LRRC23: variants seen among roughly 807,000 people sequenced by gnomAD.
LRRC23 encodes leucine rich repeat containing 23, also known as leucine-rich repeat-containing protein 23.
A neutral mutation model predicts 37.7 loss-of-function variants in LRRC23; 28 were observed. The observed-to-expected ratio is 0.74, with a 90% CI of 0.55 to 1.02. LRRC23 has a LOEUF of 1.02. Among genes scored for constraint, LRRC23 ranks in the 50% least tolerant of loss-of-function variants. The probability of loss-of-function intolerance (pLI) is 0.00; values close to 1 mark genes in which losing one functional copy is unlikely to be tolerated. For synonymous variants in LRRC23, 161 were observed against 165.4 expected, an observed-to-expected ratio of 0.97 and a Z score of 0.20; for missense variants, 377 against 413.2, an observed-to-expected ratio of 0.91 and a Z score of 0.76.
At chr12:6,913,557 T>TTTTG (rs1555141104) in intron 7 of LRRC23, among the ~76,000 whole-genome samples, 4 of 98,512 alleles carry the variant, frequency 4.1e-5, no homozygotes, top group African/African-American at 2.5e-4. Flanking sequence ...CTCTGTTTGT[T>TTTTG]TTTTTTTTTT....
rs782446149 is a variant in LRRC23, at chr12:6,906,603, A to G, written c.431A>G (p.Asn144Ser). The G allele has an allele frequency of 2.5e-6, 4 of 1,614,038 alleles. No individual in the cohort carries two copies. In the South Asian group the frequency reaches 4.4e-5, roughly 18 times the overall value. ...PYLQIASFAY[N>S]QITDTEGISH... ...CTGCAGATTGCTAGTTTTGCTTATA[A>G]CCAGATTACTGACACTGAAGGCATC... The change falls in exon 4 of 8, where the codon AAC becomes AGC. Residue 144 changes from asparagine (N) to serine (S), a missense_variant. Asn to Ser is a conservative substitution (Grantham distance 46). Transcript: ENST00000443597.
Position 6,910,026 on chromosome 12 carries a change from G to T in LRRC23, c.758G>T (p.Arg253Met), listed in dbSNP as rs781814831. The T allele has an allele frequency of 3.6e-5, 58 of 1,608,152 alleles. No individual in the cohort carries two copies. The South Asian group carries it at 6.4e-4, about 18-fold the overall frequency. Residue 253 changes from arginine to methionine, a missense_variant and splice_region_variant, in exon 6 of 8, where the codon AGG becomes ATG. Transcript: ENST00000443597. ...EMKSLQYLNL[R>M]GNMVANLGEL... is the part of the protein sequence containing the mutation. Reference sequence around the variant, plus strand: ...AAATCATTGCAGTACCTCAACCTGAGGTATGCACCCTCTCCAAGCCCCACC... The same window carrying T: ...AAATCATTGCAGTACCTCAACCTGATGTATGCACCCTCTCCAAGCCCCACC...
At chr12:6,905,563 C>T in intron 1 of LRRC23, 22 bp from the exon 2 acceptor site, 1 of 1,524,738 alleles carries the variant, frequency 6.6e-7, no homozygotes, top group Non-Finnish European at 9.1e-7. Context: ...CTGGCAGAAG[C>T]TGATGAGACC....
At chr12:6,911,083 G>A (rs1945149721) in intron 6 of LRRC23, among the ~76,000 whole-genome samples, 1 of 152,020 alleles carries the variant, frequency 6.6e-6, no homozygotes, top group Non-Finnish European at 1.5e-5. Context: ...AGCCCCACCT[G>A]TAAGGGATGA....
intron 7 of LRRC23, 89 bp downstream of exon 7, chr12:6,913,116 G>T (rs1945209347): frequency 1.5e-6 from 2 of 1,338,856 alleles, no homozygotes; most frequent in Non-Finnish European, 2.1e-6. Flanking sequence ...TGCAGAAGGA[G>T]GTGGGAGAGG....
At chr12:6,908,474 G>A (rs782414226) in intron 5 of LRRC23, among the ~76,000 whole-genome samples, 2 of 151,558 alleles carry the variant, frequency 1.3e-5, no homozygotes, top group Non-Finnish European at 2.9e-5. Flanking sequence ...ACATGCGCCT[G>A]TAATCCCAGC....
rs1332333455 is a variant in LRRC23 at position 6,905,858 on chromosome 12, C to T, written c.140C>T (p.Pro47Leu). The T allele has an allele frequency of 3.1e-6, 5 of 1,613,806 alleles. No homozygotes were observed. Among genetic ancestry groups the T allele is most frequent in the Non-Finnish European group, 4.2e-6 (5 of 1,179,972 alleles). The change falls in exon 3 of 8, where the codon CCC becomes CTC. Residue 47 changes from proline to leucine, a missense_variant. Physicochemically the swap from Pro to Leu is moderately conservative, Grantham distance 98 (BLOSUM62 -3). Transcript: ENST00000443597. ...TTCTACCTGCAGTGGCTGCCCACCCCCCTCACGGAGGACATGATGAAGGAA... is the reference window on the plus strand; with the variant it reads ...TTCTACCTGCAGTGGCTGCCCACCCTCCTCACGGAGGACATGATGAAGGAA... ...EEFPEEWLPT[P>L]LTEDMMKEGL... is the part of the protein sequence containing the mutation.
Position 6,905,937 on chromosome 12 carries a change from G to A in LRRC23, c.219G>A (p.Lys73=), listed in dbSNP as rs111766137. ...ATGGGCTGGCTCATGCTTATGTCAA[G>A]CTGGAGGTTAAAGAGAGGTGCGTTT... ...TGNGLAHAYV[K]LEVKERDLTD... The change falls in exon 3 of 8, where the codon AAG becomes AAA. Residue 73 remains lysine, a synonymous_variant. Coordinates refer to ENST00000443597, the MANE Select transcript of LRRC23 (RefSeq NM_001135217.2). 678 of 1,613,960 alleles carry A rather than the reference G, an allele frequency of 4.2e-4. 2 individuals carry two copies. In the African/African-American group the frequency reaches 5.3e-3, roughly 13 times the overall value.
At chr12:6,907,625 A>G in intron 5 of LRRC23, 180 bp downstream of exon 5, 3 of 688,812 alleles carry the variant, frequency 4.4e-6, no homozygotes, top group Admixed American at 4.2e-5. Context: ...CAGGGCTGAT[A>G]ATATATAATG....
At chr12:6,912,618 C>A in intron 6 of LRRC23, 112 bp from the exon 7 acceptor site, 1 of 961,354 alleles carries the variant, frequency 1.0e-6, no homozygotes, top group South Asian at 1.5e-5. Flanking sequence ...CCAGTCCTCA[C>A]AGTGTTTCTA....
At chr12:6,905,483 G>C in intron 1 of LRRC23, 102 bp from the exon 2 acceptor site, 5 of 697,192 alleles carry the variant, frequency 7.2e-6, no homozygotes, top group Non-Finnish European at 1.3e-5. Flanking sequence ...AAGAAGCCTA[G>C]AGTTGGTGGG....
rs1555140986 is a variant in LRRC23 at position 6,913,017 on chromosome 12, C to T, written c.*14C>T. 6 of 1,612,314 alleles carry T rather than the reference C, an allele frequency of 3.7e-6. No individual in the cohort carries two copies. Among genetic ancestry groups the T allele is most frequent in the Non-Finnish European group, 5.1e-6 (6 of 1,178,804 alleles). On this transcript the variant is annotated 3_prime_UTR_variant, in exon 7 of 8. Coordinates refer to ENST00000443597, the MANE Select transcript of LRRC23 (RefSeq NM_001135217.2). ...TCATTGATCTAGCAGCAGTTCTAGC[C>T]TCTAAAGATAGTAAGGAAGCCTGCA...
chr12:6,905,911 A>C lies in LRRC23; in HGVS notation c.193A>C (p.Asn65His), dbSNP rs2071072. The change falls in exon 3 of 8, where the codon AAT becomes CAT. Residue 65 changes from asparagine (N) to histidine (H), a missense_variant. Around this residue, in one of 3 missense-constraint regions of LRRC23, gnomAD observed 106 missense variants for 105.9 expected, o/e 1.00. Coordinates refer to ENST00000443597, the MANE Select transcript of LRRC23 (RefSeq NM_001135217.2). ...GCTTTCTCTGCTCTGTAAGACAGGC[A>C]ATGGGCTGGCTCATGCTTATGTCAA... ...EGLSLLCKTG[N>H]GLAHAYVKLE... 6.7e-3 allele frequency: 10,784 copies of C among 1,613,988 alleles called. 1,010 individuals are homozygous for C. In the East Asian group the frequency reaches 0.2, roughly 30 times the overall value.
Position 6,905,653 on chromosome 12 carries a change from T to C in LRRC23, c.20T>C (p.Leu7Pro). The part of the protein sequence containing the change: MSDEDD[L>P]EDSEPDQDDS... The stretch of plus-strand genomic sequence containing the variant: ...AGAAAGATGTCAGATGAAGATGATC[T>C]AGAAGACTCTGAGCCAGACCAGGAT... Residue 7 changes from leucine (L) to proline (P), a missense_variant, in exon 2 of 8, where the codon CTA becomes CCA. Coordinates refer to ENST00000443597, the MANE Select transcript of LRRC23 (RefSeq NM_001135217.2). 6.2e-7 allele frequency: 1 copy of C among 1,613,564 alleles called. No individual in the cohort carries two copies. Among genetic ancestry groups the C allele is most frequent in the Non-Finnish European group, 8.5e-7 (1 of 1,179,856 alleles).
chr12:6,905,131 G>C (rs1254416063), intron 1 of LRRC23, 56 bp downstream of exon 1: 2 of 162,254 alleles, frequency 1.2e-5, no homozygotes, highest in Non-Finnish European at 2.7e-5. Flanking sequence ...CTGCGCTTTA[G>C]GCTGGTGTAC....
chr12:6,912,745 C>T lies in LRRC23; in HGVS notation c.774C>T (p.Ala258=). 6.2e-7 allele frequency: 1 copy of T among 1,613,942 alleles called. No individual in the cohort carries two copies. The highest frequency in any genetic ancestry group is 8.5e-7 in the Non-Finnish European group (1 of 1,179,976). The part of the protein sequence containing the change: ...QYLNLRGNMV[A]NLGELAKLRD... ...ACACTGGCAGGGGCAACATGGTGGC[C>T]AACCTGGGGGAGCTGGCCAAGCTTC... Residue 258 remains alanine, a synonymous_variant, in exon 7 of 8, where the codon GCC becomes GCT. Transcript: ENST00000443597.
At chr12:6,906,139 G>C (rs1264564092) in intron 3 of LRRC23, among the ~76,000 whole-genome samples, 185 bp downstream of exon 3, 1 of 152,098 alleles carries the variant, frequency 6.6e-6, no homozygotes, top group Non-Finnish European at 1.5e-5. Flanking sequence ...TGGGGAATTG[G>C]AGATTGAGAG....
chr12:6,911,606 G>T (rs1456584869), intron 6 of LRRC23, among the ~76,000 whole-genome samples: 4 of 152,186 alleles, frequency 2.6e-5, no homozygotes, highest in African/African-American at 9.7e-5. Context: ...CCAGTACAAA[G>T]TTCCTGTAGC....
intron 5 of LRRC23, among the ~76,000 whole-genome samples, chr12:6,909,101 TAATATATA>T (rs1945040810): frequency 4.6e-5 from 2 of 43,568 alleles, no homozygotes; most frequent in Non-Finnish European, 6.4e-5. Context: ...ATATTATATA[TAATATATA>T]ATTACATATA....
Sources: gnomAD v4.1 joint callset for allele counts (sites outside exome capture counted in the v4.1 genomes callset) on GRCh38, gnomAD v4.1.1 for gene constraint, gnomAD v4.1.1 regional missense constraint, MANE v1.5 for transcripts, NCBI Gene and HGNC (gene_info 2026-07-23, HGNC 2026-07-21) for gene names.